Variants in UBR2 observed in about 807,000 individuals in gnomAD.
The protein encoded by UBR2 is ubiquitin protein ligase E3 component n-recognin 2.
A neutral mutation model predicts 247.9 loss-of-function variants in UBR2; 92 were observed. The observed-to-expected ratio is 0.37, with a 90% CI of 0.31 to 0.44. The LOEUF is 0.44. Ranked by LOEUF, UBR2 falls within the 20% of genes least tolerant of loss-of-function variation. UBR2 has a pLI of 1.00. For synonymous variants in UBR2, 672 were observed against 693.5 expected (o/e 0.97, Z 0.49); for missense variants, 1,613 against 2,112.6 (o/e 0.76, Z 4.64).
rs560759072 is a variant in UBR2 at position 42,670,825 on chromosome 6, G to A, written c.4086+110G>A. 81 of 772,058 alleles carry A rather than the reference G, an allele frequency of 1.0e-4. No homozygotes were observed. The African/African-American group carries it at 1.1e-3, about 11-fold the overall frequency. The allele number at this position is 772,058 out of a possible 1,614,324, so 47.8% of individuals were successfully genotyped here. On this transcript the variant is annotated intron_variant, in intron 36 of 46. Coordinates refer to ENST00000372901, the MANE Select transcript of UBR2 (RefSeq NM_001363705.2). ...AGTTACTTACACCTTCACTTCTTTC[G>A]TAGTAAAAACCCATTTTCTGTAAGG...
chr6:42,632,467 G>T, intron 11 of UBR2, 85 bp from the exon 12 acceptor site: 2 of 1,245,920 alleles, frequency 1.6e-6, no homozygotes, highest in Non-Finnish European at 1.1e-6. Context: ...AACTGAAGGA[G>T]CTAAACAATG....
At chr6:42,672,519 T>A (rs567942400) in intron 36 of UBR2, among the ~76,000 whole-genome samples, 1 of 151,960 alleles carries the variant, frequency 6.6e-6, no homozygotes, top group Non-Finnish European at 1.5e-5. Context: ...TCAAAAGCAA[T>A]CCTGTTCATA....
intron 2 of UBR2, among the ~76,000 whole-genome samples, chr6:42,586,882 C>T (rs148268617): frequency 4.4e-5 from 6 of 136,088 alleles, no homozygotes; most frequent in African/African-American, 1.7e-4. Context: ...AGTGCAGTGG[C>T]GCAATCTCGG....
At chr6:42,687,426 T>C (rs1040072987) in intron 44 of UBR2, among the ~76,000 whole-genome samples, 45 of 152,224 alleles carry the variant, frequency 3.0e-4, no homozygotes, top group African/African-American at 1.1e-3. Flanking sequence ...TGAGCCAAGA[T>C]GGCGGCAGTA....
intron 4 of UBR2, among the ~76,000 whole-genome samples, chr6:42,597,361 C>T (rs1317425690): frequency 1.3e-5 from 2 of 151,826 alleles, no homozygotes; most frequent in East Asian, 1.9e-4. Context: ...TATGGGAGGT[C>T]GAGGTGGGCA....
chr6:42,621,258 G>A (rs1794982045), intron 11 of UBR2, among the ~76,000 whole-genome samples: 1 of 152,224 alleles, frequency 6.6e-6, no homozygotes, highest in Middle Eastern at 3.4e-3. Context: ...AATTAACCCA[G>A]AAGTGTTTAT....
At chr6:42,564,541 C>T in intron 1 of UBR2, 144 bp downstream of exon 1, 1 of 879,238 alleles carries the variant, frequency 1.1e-6, no homozygotes, top group African/African-American at 1.7e-5. Flanking sequence ...GGTAATAGCC[C>T]GGGGAGGCCA....
At chr6:42,616,749 A>T (rs1794580372) in intron 10 of UBR2, among the ~76,000 whole-genome samples, 1 of 152,190 alleles carries the variant, frequency 6.6e-6, no homozygotes, top group South Asian at 2.1e-4. Flanking sequence ...CATTCACCTG[A>T]ATTACGAAGT....
In UBR2 at chr6:42,689,512, A is replaced by G. The variant is rs1255121318; in HGVS notation, c.5025-57A>G. On this transcript the variant is annotated intron_variant, in intron 45 of 46. Transcript: ENST00000372901. The surrounding 1 kb of genome is among the most constrained non-coding windows in gnomAD (Gnocchi z 4.0). ...AAGACTTCATTCTATTTGGAACTGAATACAAATGTTGGTTACTAATGTGTA... is the reference window on the plus strand; with the variant it reads ...AAGACTTCATTCTATTTGGAACTGAGTACAAATGTTGGTTACTAATGTGTA... The G allele has an allele frequency of 2.0e-6, 3 of 1,476,438 alleles. No individual in the cohort carries two copies. Among genetic ancestry groups the G allele is most frequent in the African/African-American group, 1.4e-5 (1 of 72,216 alleles). 91.5% of individuals were successfully genotyped at this position (1,476,438 alleles called of 1,614,324 possible).
rs1337580853 is a variant in UBR2, at chr6:42,691,723, A to C, written c.*550A>C. ...AGTTGGGGGACACACATGCAGAAGA[A>C]GCCCGTGGGGAGAAGGTGGATTCCT... On this transcript the variant is annotated 3_prime_UTR_variant, in exon 47 of 47. Coordinates refer to ENST00000372901, the MANE Select transcript of UBR2 (RefSeq NM_001363705.2). 1.3e-5 allele frequency: 2 copies of C among 151,554 alleles called. No homozygotes were observed. The highest frequency in any genetic ancestry group is 2.9e-5 in the Non-Finnish European group (2 of 68,096). The allele number at this position is 151,554 out of a possible 1,614,324, so 9.4% of individuals were successfully genotyped here. A position where few individuals can be genotyped will look rare whatever the true frequency, so the allele number is the denominator to read the frequency against.
intron 26 of UBR2, among the ~76,000 whole-genome samples, chr6:42,656,343 GT>G (rs1326960443): frequency 6.6e-6 from 1 of 152,152 alleles, no homozygotes; most frequent in Non-Finnish European, 1.5e-5. Flanking sequence ...TTTTTATTCA[GT>G]GTTTTATAGT....
intron 18 of UBR2, 110 bp from the exon 19 acceptor site, chr6:42,644,104 T>G (rs1796601432): frequency 8.9e-7 from 1 of 1,125,872 alleles, no homozygotes; most frequent in African/African-American, 1.6e-5. Context: ...TTAGGATTGG[T>G]AAACTGCTTT....
intron 15 of UBR2, among the ~76,000 whole-genome samples, chr6:42,639,885 G>A (rs535779512): frequency 7.2e-5 from 11 of 152,128 alleles, no homozygotes; most frequent in Non-Finnish European, 1.5e-4. Flanking sequence ...TTTATTAGCC[G>A]GGTGTGGTGG....
In UBR2 at chr6:42,564,386, G is replaced by A. The variant is rs954152095; in HGVS notation, c.67G>A (p.Glu23Lys). The A allele has an allele frequency of 6.2e-7, 1 of 1,610,280 alleles. No individual in the cohort carries two copies. Among genetic ancestry groups the A allele is most frequent in the Non-Finnish European group, 8.5e-7 (1 of 1,178,470 alleles). The change falls in exon 1 of 47, where the codon GAG becomes AAG. Residue 23 changes from glutamate (E) to lysine (K), a missense_variant. Around this residue, in one of 3 missense-constraint regions of UBR2, gnomAD observed 1,524 missense variants for 1,967.3 expected, o/e 0.77. Transcript: ENST00000372901. ...DRSLLECSAE[E>K]IAGKWLQATD... ...GAGCTTGCTGGAATGTTCGGCCGAG[G>A]AGATTGCGGGGGTGAGTGCCGGAAC...
At chr6:42,625,035 C>T (rs910866350) in intron 11 of UBR2, among the ~76,000 whole-genome samples, 3 of 152,138 alleles carry the variant, frequency 2.0e-5, no homozygotes, top group Admixed American at 1.3e-4. Flanking sequence ...GTTTGGCCTA[C>T]ACCCCAGAAT....
chr6:42,609,350 C>T (rs1319758905), intron 7 of UBR2, among the ~76,000 whole-genome samples: 1 of 151,984 alleles, frequency 6.6e-6, no homozygotes, highest in Non-Finnish European at 1.5e-5. Flanking sequence ...TAAGTCCACA[C>T]CACAGAATAT....
At chr6:42,586,150 A>C (rs1792241024) in intron 2 of UBR2, among the ~76,000 whole-genome samples, 2 of 152,006 alleles carry the variant, frequency 1.3e-5, no homozygotes, top group Non-Finnish European at 2.9e-5. Flanking sequence ...GGATAGCTTG[A>C]GCCCAGGAGT....
Position 42,658,222 on chromosome 6 carries a change from A to T in UBR2, c.2983-18A>T. On this transcript the variant is annotated intron_variant, in intron 27 of 46. Transcript: ENST00000372901. ...TGATCATATTTCATACAGGATACTG[A>T]TACTTTTTTTTTTGTAGACTTTTAA... 2.5e-6 allele frequency: 4 copies of T among 1,609,744 alleles called. No individual in the cohort carries two copies. Among genetic ancestry groups the T allele is most frequent in the South Asian group, 1.1e-5 (1 of 90,250 alleles).
chr6:42,676,120 C>G lies in UBR2; in HGVS notation c.4316C>G (p.Thr1439Ser), dbSNP rs1434681460. Residue 1439 changes from threonine to serine, a missense_variant, in exon 39 of 47, where the codon ACT (threonine) becomes AGT (serine). Physicochemically the swap from Thr to Ser is moderately conservative, Grantham distance 58. Around this residue, in one of 3 missense-constraint regions of UBR2, gnomAD observed 1,524 missense variants for 1,967.3 expected, o/e 0.77. Transcript: ENST00000372901. ...CQDFSGISLG[T>S]GDLHIFHLVT... ...GATTTTTCAGGGATCAGCCTTGGCACTGGAGACCTTCACATTTTCCATCTG... is the reference window on the plus strand; with the variant it reads ...GATTTTTCAGGGATCAGCCTTGGCAGTGGAGACCTTCACATTTTCCATCTG... 6.2e-7 allele frequency: 1 copy of G among 1,613,792 alleles called. No individual in the cohort carries two copies. Among genetic ancestry groups the G allele is most frequent in the Non-Finnish European group, 8.5e-7 (1 of 1,179,980 alleles).
Sources: gnomAD v4.1 joint callset for allele counts (sites outside exome capture counted in the v4.1 genomes callset) on GRCh38, gnomAD v4.1.1 for gene constraint, gnomAD v4.1.1 regional missense constraint, Gnocchi (gnomAD v3.1) non-coding constraint, MANE v1.5 for transcripts, NCBI Gene and HGNC (gene_info 2026-07-23, HGNC 2026-07-21) for gene names.